Variants in DACT2 observed in about 807,000 individuals in gnomAD.
DACT2 encodes the protein dapper homolog 2.
Under a neutral mutation model 22.2 loss-of-function variants are expected in DACT2, and 20 were observed. That is an observed-to-expected ratio of 0.90 (90% CI 0.63 to 1.31). The LOEUF (loss-of-function observed/expected upper bound fraction) is 1.31. Among genes scored for constraint, DACT2 ranks in the 50% most tolerant of loss-of-function variants. The pLI, the probability that DACT2 is intolerant of heterozygous loss-of-function variation, is 0.00. For synonymous variants in DACT2, 463 were observed against 479.8 expected (o/e 0.96, Z 0.46); for missense variants, 1,048 against 1,061.4 (o/e 0.99, Z 0.18).
chr6:168,301,705 T>C (rs1291284215), intron 3 of DACT2, among the ~76,000 whole-genome samples: 2 of 152,342 alleles, frequency 1.3e-5, no homozygotes, highest in East Asian at 1.9e-4. Flanking sequence ...TGGGGCTCTG[T>C]GTGTTCACGG....
chr6:168,306,183 A>G (rs58631989), downstream of DACT2, among the ~76,000 whole-genome samples: 6,281 of 152,114 alleles, frequency 0.041, 338 homozygotes, highest in African/African-American at 0.12. Flanking sequence ...CCTCCCAACG[A>G]TCTTGCCCCA....
At chr6:168,311,910 G>A (rs1246342892) in intron 1 of DACT2, among the ~76,000 whole-genome samples, 5 of 152,142 alleles carry the variant, frequency 3.3e-5, no homozygotes, top group African/African-American at 9.7e-5. Flanking sequence ...AACGCTTTAC[G>A]CATCTCATGC....
At chr6:168,309,442 G>GTTTGCGTGTAGACACAGGGTGCGGGGCCA (rs1562496999) in intron 3 of DACT2, among the ~76,000 whole-genome samples, 1 of 151,942 alleles carries the variant, frequency 6.6e-6, no homozygotes. Flanking sequence ...GTGCGGGGCC[G>GTTTGCGTGTAGACACAGGGTGCGGGGCCA]TTTGCGTGTA....
At chr6:168,315,173 C>G (rs533017012) in intron 1 of DACT2, among the ~76,000 whole-genome samples, 1 of 152,222 alleles carries the variant, frequency 6.6e-6, no homozygotes, top group Non-Finnish European at 1.5e-5. Context: ...CCAGCCATGT[C>G]AAGACGGGGA....
At chr6:168,318,541 C>T (rs1779567785) in intron 1 of DACT2, among the ~76,000 whole-genome samples, 3 of 152,230 alleles carry the variant, frequency 2.0e-5, no homozygotes, top group Admixed American at 1.3e-4. Flanking sequence ...ACAGAGGTAA[C>T]ACAAGTAAAC....
At position 168,307,782 on chromosome 6, in the gene DACT2, T is replaced by A; in HGVS notation, c.1975A>T (p.Ser659Cys). 1.3e-6 allele frequency: 2 copies of A among 1,545,086 alleles called. No individual in the cohort carries two copies. The highest frequency in any genetic ancestry group is 8.7e-7 in the Non-Finnish European group (1 of 1,146,640). ...GAGTGCTTGGAGGGCTCTGAGTCGCTCCTGGTGTAGGCGTCCTGGCGGACC... is the reference window on the plus strand; with the variant it reads ...GAGTGCTTGGAGGGCTCTGAGTCGCACCTGGTGTAGGCGTCCTGGCGGACC... ...SLVRQDAYTRSDSEPSKHSAE... is the reference protein window; with the variant it reads ...SLVRQDAYTRCDSEPSKHSAE... Residue 659 changes from serine (S) to cysteine (C), a missense_variant, in exon 4 of 4, where the codon AGC becomes TGC. Coordinates refer to ENST00000366795, the MANE Select transcript of DACT2 (RefSeq NM_214462.5). The surrounding 1 kb of genome is among the most constrained non-coding windows in gnomAD (Gnocchi z 5.3).
intron 1 of DACT2, among the ~76,000 whole-genome samples, chr6:168,311,597 T>TCACAAACACACACACCCATACAC (rs1554271725): frequency 4.0e-5 from 4 of 100,556 alleles, no homozygotes; most frequent in South Asian, 3.2e-4. Flanking sequence ...CACACACACA[T>TCACAAACACACACACCCATACAC]ACACACACAC....
intron 1 of DACT2, among the ~76,000 whole-genome samples, chr6:168,318,536 G>A (rs1779567597): frequency 6.6e-6 from 1 of 152,194 alleles, no homozygotes; most frequent in South Asian, 2.1e-4. Context: ...GTGTAACAGA[G>A]GTAACACAAG....
chr6:168,311,584 C>CACACACACTCACACACAAA (rs1562498529), intron 1 of DACT2, among the ~76,000 whole-genome samples: 4 of 86,102 alleles, frequency 4.6e-5, no homozygotes, highest in African/African-American at 2.0e-4. Context: ...ACACACCCAT[C>CACACACACTCACACACAAA]CACACACACA....
chr6:168,308,127 C>A lies in DACT2; in HGVS notation c.1630G>T (p.Gly544Cys), dbSNP rs1779273575. The change falls in exon 4 of 4, where the codon GGC becomes TGC. Residue 544 changes from glycine to cysteine, a missense_variant. Coordinates refer to ENST00000366795, the MANE Select transcript of DACT2 (RefSeq NM_214462.5). ...AGGGCTGGCCTCCGCTGGAGCCCGC[C>A]CCTCCCTGTGGGCCAGTGGGCAGGG... ...WDPAHWPTGR[G>C]GLQRRPALAW... is the part of the protein sequence containing the mutation. 1.3e-6 allele frequency: 2 copies of A among 1,548,560 alleles called. No individual in the cohort carries two copies. Among genetic ancestry groups the A allele is most frequent in the South Asian group, 2.4e-5 (2 of 83,858 alleles).
chr6:168,311,195 T>G lies in DACT2; in HGVS notation c.336A>C (p.Thr112=). ...QISKLQLDVG[T]ASGEALDSDS... ...CGCTGTCCAGGGCCTCCCCTGAGGC[T>G]GTGCCCACATCCAGCTGCAGCTTGC... The change falls in exon 2 of 4, where the codon ACA becomes ACC. Residue 112 remains threonine, a synonymous_variant. Transcript: ENST00000366795. 6.5e-7 allele frequency: 1 copy of G among 1,549,362 alleles called. No individual in the cohort carries two copies. Among genetic ancestry groups the G allele is most frequent in the East Asian group, 2.4e-5 (1 of 40,834 alleles).
Position 168,308,441 on chromosome 6 carries a change from T to C in DACT2, c.1316A>G (p.Gln439Arg). ...NSCVLRETMV[Q>R]ASPSSKAQQT... ...CTGGGCCTTTGAGCTGGGAGAAGCC[T>C]GCACCATGGTCTCCCTGAGGACACA... Residue 439 changes from glutamine (Q) to arginine (R), a missense_variant, in exon 4 of 4, where the codon CAG (glutamine) becomes CGG (arginine). Transcript: ENST00000366795. 1 of 1,551,688 alleles carries C rather than the reference T, an allele frequency of 6.4e-7. No homozygotes were observed. Among genetic ancestry groups the C allele is most frequent in the Non-Finnish European group, 8.7e-7 (1 of 1,146,962 alleles).
chr6:168,294,599 A>G (rs1583287689), intron 4 of DACT2: 1 of 762,584 alleles, frequency 1.3e-6, no homozygotes. Context: ...ATATATATAT[A>G]TATACACATA....
chr6:168,311,560 T>TCCACACACA (rs1562498436), intron 1 of DACT2, among the ~76,000 whole-genome samples: 3 of 37,380 alleles, frequency 8.0e-5, no homozygotes, highest in African/African-American at 2.2e-4. Context: ...ATACACACAC[T>TCCACACACA]CACACACAAA....
intron 1 of DACT2, among the ~76,000 whole-genome samples, chr6:168,313,078 G>A (rs762874247): frequency 1.3e-5 from 2 of 152,098 alleles, no homozygotes; most frequent in African/African-American, 2.4e-5. Flanking sequence ...ACGGAGTCTC[G>A]CTCTGTCCTC....
chr6:168,311,644 ACT>A (rs1263517967), intron 1 of DACT2, among the ~76,000 whole-genome samples: 3 of 148,234 alleles, frequency 2.0e-5, no homozygotes, highest in African/African-American at 7.7e-5. Context: ...ACACACACAC[ACT>A]CACACACACA....
chr6:168,299,055 T>C (rs750061606), intron 3 of DACT2: 1 of 152,360 alleles, frequency 6.6e-6, no homozygotes, highest in Non-Finnish European at 1.5e-5. Context: ...TCAGAGTTAG[T>C]GAACATGTCC....
Position 168,308,529 on chromosome 6 carries a change from G to T in DACT2, c.1228C>A (p.Pro410Thr). Residue 410 changes from proline (P) to threonine (T), a missense_variant, in exon 4 of 4, where the codon CCC (proline) becomes ACC (threonine). Coordinates refer to ENST00000366795, the MANE Select transcript of DACT2 (RefSeq NM_214462.5). ...RGGPQQQGYM[P>T]LEGPQQSGSL... Reference sequence around the variant, plus strand: ...CCAGACTGCTGGGGACCCTCAAGGGGCATGTATCCCTGCTGCTGGGGCCCG... The same window carrying T: ...CCAGACTGCTGGGGACCCTCAAGGGTCATGTATCCCTGCTGCTGGGGCCCG... The T allele has an allele frequency of 6.4e-7, 1 of 1,551,130 alleles. No individual in the cohort carries two copies. The highest frequency in any genetic ancestry group is 8.7e-7 in the Non-Finnish European group (1 of 1,146,954).
intron 3 of DACT2, among the ~76,000 whole-genome samples, chr6:168,295,114 TCTC>T (rs1394808420): frequency 6.6e-6 from 1 of 152,092 alleles, no homozygotes; most frequent in East Asian, 1.9e-4. Flanking sequence ...CTCCAACTGT[TCTC>T]CTGAGCCGCG....
Sources: gnomAD v4.1 joint callset for allele counts (sites outside exome capture counted in the v4.1 genomes callset) on GRCh38, gnomAD v4.1.1 for gene constraint, Gnocchi (gnomAD v3.1) non-coding constraint, MANE v1.5 for transcripts, NCBI Gene and HGNC (gene_info 2026-07-23, HGNC 2026-07-21) for gene names.